RASSF8: variants seen among roughly 807,000 people sequenced by gnomAD.
The protein encoded by RASSF8 is Ras association domain family member 8, also known as ras association domain-containing protein 8.
In RASSF8, 22 loss-of-function variants were observed where a neutral mutation model predicts 48.5. The observed-to-expected ratio is 0.45, with a 90% confidence interval of 0.32 to 0.65. RASSF8 has a LOEUF of 0.65. Among genes scored for constraint, RASSF8 ranks in the 30% least tolerant of loss-of-function variants. RASSF8 has a pLI of 0.03. For synonymous variants in RASSF8, 127 were observed against 171.5 expected, an observed-to-expected ratio of 0.74 and a Z score of 2.03; for missense variants, 418 against 489.2, an observed-to-expected ratio of 0.85 and a Z score of 1.37.
chr12:26,038,014 CCCT>C, intron 2 of RASSF8, among the ~76,000 whole-genome samples: 1 of 152,294 alleles, frequency 6.6e-6, no homozygotes, highest in Admixed American at 6.5e-5. Flanking sequence ...GCACGGCATC[CCCT>C]CCTCTTTGGT....
At chr12:26,073,746 T>TCTCTACACACAC (rs10678881), downstream of RASSF8, among the ~76,000 whole-genome samples, 41 of 46,348 alleles carry the variant, frequency 8.8e-4, 1 homozygote, top group African/African-American at 2.9e-3. Context: ...TCTCTCTCTC[T>TCTCTACACACAC]ATACACACAC....
intron 3 of RASSF8, among the ~76,000 whole-genome samples, chr12:26,062,688 G>T (rs1159078060): frequency 2.6e-5 from 4 of 151,000 alleles, no homozygotes; most frequent in Non-Finnish European, 5.9e-5. Context: ...TTGGGCAAGG[G>T]AGGGGAAAAA....
intron 2 of RASSF8, among the ~76,000 whole-genome samples, chr12:26,011,011 A>G (rs1325082594): frequency 6.6e-6 from 1 of 152,102 alleles, no homozygotes; most frequent in East Asian, 1.9e-4. Context: ...GATAGATATC[A>G]CTCACCTTGT....
At chr12:26,030,833 G>A (rs1319116971) in intron 2 of RASSF8, among the ~76,000 whole-genome samples, 1 of 152,076 alleles carries the variant, frequency 6.6e-6, no homozygotes, top group Non-Finnish European at 1.5e-5. Flanking sequence ...AAATATTTTA[G>A]GCTTTGCAGG....
At chr12:26,015,270 A>G (rs1942621192) in intron 2 of RASSF8, among the ~76,000 whole-genome samples, 1 of 152,074 alleles carries the variant, frequency 6.6e-6, no homozygotes, top group African/African-American at 2.4e-5. Flanking sequence ...ATCCCTTGGT[A>G]AAAGATGCTG....
chr12:26,076,112 TG>T (rs71435689), downstream of RASSF8, among the ~76,000 whole-genome samples: 1 of 152,054 alleles, frequency 6.6e-6, no homozygotes, highest in Non-Finnish European at 1.5e-5. Context: ...TTCAGGTATT[TG>T]GGGGGCATCT....
rs1193466282 is a variant in RASSF8 at position 26,065,393 on chromosome 12, G to A, written c.993+6G>A. 1 of 1,588,320 alleles carries A rather than the reference G, an allele frequency of 6.3e-7. No homozygotes were observed. The stretch of plus-strand genomic sequence containing the variant: ...AAGCCACCAAACGCTTACAGGTAGG[G>A]ACACTTTGATAAATAGAATGTTTGG... On this transcript the variant is annotated splice_donor_region_variant and intron_variant, in intron 4 of 5. Coordinates refer to ENST00000689635, the MANE Select transcript of RASSF8 (RefSeq NM_001394098.1).
intron 2 of RASSF8, among the ~76,000 whole-genome samples, chr12:26,012,702 A>C (rs1350724375): frequency 1.7e-5 from 2 of 117,006 alleles, no homozygotes; most frequent in South Asian, 2.6e-4. Context: ...TTTTTTTGAG[A>C]TAGGGTCTCA....
At chr12:25,960,427 A>G (rs1047016202) in intron 1 of RASSF8, among the ~76,000 whole-genome samples, 1 of 152,204 alleles carries the variant, frequency 6.6e-6, no homozygotes, top group East Asian at 1.9e-4. Context: ...CGCAGGAGAC[A>G]GCACTATCAT....
chr12:26,024,580 A>C (rs1204783508), intron 2 of RASSF8, among the ~76,000 whole-genome samples: 1 of 152,184 alleles, frequency 6.6e-6, no homozygotes, highest in African/African-American at 2.4e-5. Context: ...TTGCAAACTA[A>C]ATTTAGCAGT....
intron 1 of RASSF8, among the ~76,000 whole-genome samples, chr12:25,961,327 A>G (rs758189313): frequency 6.6e-6 from 1 of 152,240 alleles, no homozygotes; most frequent in Non-Finnish European, 1.5e-5. Context: ...TGTTCAAAAC[A>G]TTACAAAACT....
Position 26,069,009 on chromosome 12 carries a change from C to G in RASSF8, c.*191C>G. On this transcript the variant is annotated 3_prime_UTR_variant, in exon 6 of 6. Transcript: ENST00000689635. ...AAAGAACAAAGAAACTGTGTTTTCA[C>G]ACATCAACAGTGTTGATATTTTTGT... 1 of 1,315,520 alleles carries G rather than the reference C, an allele frequency of 7.6e-7. No homozygotes were observed. Among genetic ancestry groups the G allele is most frequent in the Non-Finnish European group, 9.7e-7 (1 of 1,030,250 alleles). The allele number at this position is 1,315,520 out of a possible 1,614,324, so 81.5% of individuals were successfully genotyped here. A position where few individuals can be genotyped will look rare whatever the true frequency, so the allele number is the denominator to read the frequency against.
chr12:25,989,544 A>G (rs951390274), intron 1 of RASSF8, among the ~76,000 whole-genome samples: 30 of 152,238 alleles, frequency 2.0e-4, no homozygotes, highest in Admixed American at 5.2e-4. Flanking sequence ...CTTTATTCAA[A>G]TAGTCATCTT....
At chr12:26,024,817 C>T (rs1249114199) in intron 2 of RASSF8, among the ~76,000 whole-genome samples, 2 of 151,940 alleles carry the variant, frequency 1.3e-5, no homozygotes, top group South Asian at 2.1e-4. Flanking sequence ...ATTAGCCGGG[C>T]GTGGTGGCGG....
chr12:25,959,891 A>G (rs1229571179), intron 1 of RASSF8: 3 of 152,206 alleles, frequency 2.0e-5, no homozygotes, highest in African/African-American at 7.2e-5. Flanking sequence ...CCAGCCTCAA[A>G]TGGCATCTTG....
At chr12:25,980,515 G>A (rs1269892828) in intron 1 of RASSF8, among the ~76,000 whole-genome samples, 1 of 152,158 alleles carries the variant, frequency 6.6e-6, no homozygotes, top group Non-Finnish European at 1.5e-5. Flanking sequence ...TTTTTTCGGG[G>A]ATTGAGATTT....
intron 2 of RASSF8, among the ~76,000 whole-genome samples, chr12:26,046,792 G>C (rs1943381911): frequency 6.6e-6 from 1 of 152,172 alleles, no homozygotes; most frequent in Non-Finnish European, 1.5e-5. Flanking sequence ...TTTCAATGAA[G>C]GTACCAATGT....
Position 26,055,234 on chromosome 12 carries a change from A to T in RASSF8, c.-108-2A>T. 2 of 837,774 alleles carry T rather than the reference A, an allele frequency of 2.4e-6. No individual in the cohort carries two copies. Among genetic ancestry groups the T allele is most frequent in the Admixed American group, 2.1e-5 (1 of 47,118 alleles). 51.9% of individuals were successfully genotyped at this position (837,774 alleles called of 1,614,324 possible). A position where few individuals can be genotyped will look rare whatever the true frequency, so the allele number is the denominator to read the frequency against. ...TACAAGTGATTTTTTGCCCTTTTTTAGCTGACTACACAGACTTAGTCTTCT... is the reference window on the plus strand; with the variant it reads ...TACAAGTGATTTTTTGCCCTTTTTTTGCTGACTACACAGACTTAGTCTTCT... On this transcript the variant is annotated splice_acceptor_variant, in intron 2 of 5. Coordinates refer to ENST00000689635, the MANE Select transcript of RASSF8 (RefSeq NM_001394098.1). LOFTEE classifies it low-confidence loss of function (5UTR_SPLICE).
intron 1 of RASSF8, among the ~76,000 whole-genome samples, chr12:25,972,901 A>G (rs779780875): frequency 7.2e-5 from 11 of 152,216 alleles, no homozygotes; most frequent in Non-Finnish European, 1.3e-4. Flanking sequence ...ATGGCATCTC[A>G]TAGTTTTGAC....
Sources: allele counts gnomAD v4.1 joint callset (sites outside exome capture counted in the v4.1 genomes callset), GRCh38; gene constraint gnomAD v4.1.1; transcripts MANE v1.5; gene names NCBI Gene and HGNC (gene_info 2026-07-23, HGNC 2026-07-21).